Variants in TIE1 observed in about 807,000 individuals in gnomAD.
TIE1 encodes the protein tyrosine-protein kinase receptor Tie-1.
TIE1 carries 89 observed loss-of-function variants against 130.5 expected under a neutral mutation model. That is an observed-to-expected ratio of 0.68 (90% CI 0.57 to 0.81). The LOEUF (loss-of-function observed/expected upper bound fraction) is 0.81. Ranked by LOEUF, TIE1 falls within the 40% of genes least tolerant of loss-of-function variation. The pLI is 0.00. For synonymous variants in TIE1, 568 were observed against 629.4 expected (o/e 0.90, Z 1.46); for missense variants, 1,392 against 1,559.8 (o/e 0.89, Z 1.81).
At chr1:43,310,411 G>A (rs886880983) in intron 9 of TIE1, among the ~76,000 whole-genome samples, 1 of 152,186 alleles carries the variant, frequency 6.6e-6, no homozygotes, top group Non-Finnish European at 1.5e-5. Context: ...AATGGGGATA[G>A]CTAGCACTTG....
At chr1:43,304,812 G>T in intron 1 of TIE1, 39 bp from the exon 2 acceptor site, 8 of 1,391,776 alleles carry the variant, frequency 5.7e-6, no homozygotes, top group Non-Finnish European at 7.4e-6. Flanking sequence ...ACTAGGGTTG[G>T]CTGGGACTAC....
At chr1:43,305,557 C>G (rs866676943) in intron 3 of TIE1, among the ~76,000 whole-genome samples, 2 of 152,194 alleles carry the variant, frequency 1.3e-5, no homozygotes, top group Non-Finnish European at 2.9e-5. Flanking sequence ...GGGCCAGGAG[C>G]CTGTGGTCAG....
At chr1:43,304,737 A>G (rs1386162498) in intron 1 of TIE1, 114 bp from the exon 2 acceptor site, 6 of 1,141,246 alleles carry the variant, frequency 5.3e-6, no homozygotes, top group Non-Finnish European at 6.8e-6. Flanking sequence ...TGAAGGTTGG[A>G]GACCCTCTTC....
In TIE1 at chr1:43,300,986, T is replaced by G; in HGVS notation, c.-86T>G. On this transcript the variant is annotated 5_prime_UTR_variant, in exon 1 of 23. Transcript: ENST00000372476. ...CTTCCTCCCCAGCACCGACCCACAC[T>G]GACCAACACAGGCTGAGCAGTCAGG... The G allele has an allele frequency of 8.5e-7, 1 of 1,175,050 alleles. No individual in the cohort carries two copies. The highest frequency in any genetic ancestry group is 1.1e-6 in the Non-Finnish European group (1 of 874,108). The allele number at this position is 1,175,050 out of a possible 1,614,324, so 72.8% of individuals were successfully genotyped here.
Position 43,309,209 on chromosome 1 carries a change from C to T in TIE1, c.1188+78C>T. The T allele has an allele frequency of 6.6e-7, 1 of 1,522,494 alleles. No individual in the cohort carries two copies. 94.3% of individuals were successfully genotyped at this position (1,522,494 alleles called of 1,614,324 possible). A position where few individuals can be genotyped will look rare whatever the true frequency, so the allele number is the denominator to read the frequency against. ...GCTGATCCCTAAGACCCCCTAGTCC[C>T]TCAGAACTTTCTGCAGGGCCCACCC... On this transcript the variant is annotated intron_variant, in intron 8 of 22. Coordinates refer to ENST00000372476, the MANE Select transcript of TIE1 (RefSeq NM_005424.5). The surrounding 1 kb of genome is among the most constrained non-coding windows in gnomAD (Gnocchi z 6.3).
rs1646866996 is a variant in TIE1 at position 43,317,234 on chromosome 1, C to G, written c.2445C>G (p.Thr815=). The G allele has an allele frequency of 6.2e-7, 1 of 1,614,142 alleles. No homozygotes were observed. Among genetic ancestry groups the G allele is most frequent in the Non-Finnish European group, 8.5e-7 (1 of 1,180,038 alleles). ...CCATCCTGCAGTTCAGCTCAGGGAC[C>G]TTGACACTTACCCGGCGGCCAAAAC... ...EETILQFSSG[T]LTLTRRPKLQ... is the part of the protein sequence containing the mutation. Residue 815 remains threonine, a synonymous_variant, in exon 15 of 23, where the codon ACC becomes ACG. Coordinates refer to ENST00000372476, the MANE Select transcript of TIE1 (RefSeq NM_005424.5). The surrounding 1 kb of genome is among the most constrained non-coding windows in gnomAD (Gnocchi z 5.1).
rs1329106859 is a variant in TIE1, at chr1:43,317,694, C to T, written c.2731+20C>T. 1 of 1,551,188 alleles carries T rather than the reference C, an allele frequency of 6.4e-7. No individual in the cohort carries two copies. Among genetic ancestry groups the T allele is most frequent in the Non-Finnish European group, 8.7e-7 (1 of 1,144,850 alleles). On this transcript the variant is annotated intron_variant, in intron 16 of 22. Coordinates refer to ENST00000372476, the MANE Select transcript of TIE1 (RefSeq NM_005424.5). This position sits in a 1 kb window ranked among gnomAD's most constrained non-coding sequence, Gnocchi z 5.1. Reference sequence around the variant, plus strand: ...ACCGAGGTGAGCCCCCAGCTCATCACCTACCCCTTCTTCCAAACCCCCATC... The same window carrying T: ...ACCGAGGTGAGCCCCCAGCTCATCATCTACCCCTTCTTCCAAACCCCCATC...
chr1:43,307,731 C>T lies in TIE1; in HGVS notation c.914-65C>T, dbSNP rs1646745113. On this transcript the variant is annotated intron_variant, in intron 6 of 22. Coordinates refer to ENST00000372476, the MANE Select transcript of TIE1 (RefSeq NM_005424.5). This position sits in a 1 kb window ranked among gnomAD's most constrained non-coding sequence, Gnocchi z 5.4. The stretch of plus-strand genomic sequence containing the variant: ...TTGTATAACCTGTGCCCCATCTGCG[C>T]CCTCATCTGTGCCCTCATTGCCCCC... The T allele has an allele frequency of 3.1e-6, 5 of 1,606,982 alleles. No individual in the cohort carries two copies. The East Asian group carries it at 1.1e-4, about 36-fold the overall frequency.
At chr1:43,311,868 G>A (rs1270853943) in intron 10 of TIE1, 39 bp downstream of exon 10, 1 of 1,599,090 alleles carries the variant, frequency 6.3e-7, no homozygotes, top group Non-Finnish European at 8.5e-7. Flanking sequence ...AGAGGTGTTG[G>A]GTAATAGTGA....
chr1:43,319,564 G>T lies in TIE1; in HGVS notation c.3107+35G>T. On this transcript the variant is annotated intron_variant, in intron 19 of 22. Transcript: ENST00000372476. This position sits in a 1 kb window ranked among gnomAD's most constrained non-coding sequence, Gnocchi z 4.7. ...AGATGAGAGGGCACAGGAGGGCTTG[G>T]CCCCCAAGAATCACCCAGGCCTGAC... The T allele has an allele frequency of 6.2e-7, 1 of 1,606,848 alleles. No individual in the cohort carries two copies. The highest frequency in any genetic ancestry group is 8.5e-7 in the Non-Finnish European group (1 of 1,173,522).
Position 43,306,367 on chromosome 1 carries a change from C to G in TIE1, c.485-473C>G, listed in dbSNP as rs111957363. Among the ~76,000 whole-genome samples the G allele has an allele frequency of 5.2e-3, 791 of 152,282 alleles. 9 individuals are homozygous for G. Among genetic ancestry groups the G allele is most frequent in the African/African-American group, 0.018 (739 of 41,552 alleles). The stretch of plus-strand genomic sequence containing the variant: ...CGAATGGGGCTGGATGGCTTGGCCA[C>G]GGCCAAGTTGGTGAAAATGATGTCT... On this transcript the variant is annotated intron_variant, in intron 3 of 22. Coordinates refer to ENST00000372476, the MANE Select transcript of TIE1 (RefSeq NM_005424.5). This position sits in a 1 kb window ranked among gnomAD's most constrained non-coding sequence, Gnocchi z 4.9.
Position 43,313,770 on chromosome 1 carries a change from G to A in TIE1, c.2219-8G>A, listed in dbSNP as rs771153537. On this transcript the variant is annotated splice_polypyrimidine_tract_variant and splice_region_variant and intron_variant, in intron 13 of 22. Coordinates refer to ENST00000372476, the MANE Select transcript of TIE1 (RefSeq NM_005424.5). The surrounding 1 kb of genome is among the most constrained non-coding windows in gnomAD (Gnocchi z 6.2). ...GTCCCCACAATCTGCCCCTCTCACT[G>A]TGTCCAGGGCTGCAGGCTGAGGGCC... The A allele has an allele frequency of 6.2e-7, 1 of 1,606,102 alleles. No homozygotes were observed. The highest frequency in any genetic ancestry group is 1.7e-5 in the Admixed American group (1 of 59,620).
chr1:43,319,724 T>A lies in TIE1; in HGVS notation c.3107+195T>A. 3.2e-6 allele frequency: 2 copies of A among 616,522 alleles called. No homozygotes were observed. Among genetic ancestry groups the A allele is most frequent in the East Asian group, 5.5e-5 (2 of 36,362 alleles). 38.2% of individuals were successfully genotyped at this position (616,522 alleles called of 1,614,324 possible). A position where few individuals can be genotyped will look rare whatever the true frequency, so the allele number is the denominator to read the frequency against. ...TGCTGGAAGGAGTCTTGGAAGGTGT[T>A]TCAGGAATAGGACTGGGGTAAAGGT... is the stretch of plus-strand genomic sequence containing the variant. On this transcript the variant is annotated intron_variant, in intron 19 of 22. Coordinates refer to ENST00000372476, the MANE Select transcript of TIE1 (RefSeq NM_005424.5). This position sits in a 1 kb window ranked among gnomAD's most constrained non-coding sequence, Gnocchi z 4.7.
At position 43,309,030 on chromosome 1, in the gene TIE1, A is replaced by G. The variant is rs766642162; in HGVS notation, c.1087A>G (p.Asn363Asp). 3 of 1,614,032 alleles carry G rather than the reference A, an allele frequency of 1.9e-6. No individual in the cohort carries two copies. The highest frequency in any genetic ancestry group is 1.7e-5 in the Admixed American group (1 of 60,012). Residue 363 changes from asparagine (N) to aspartate (D), a missense_variant, in exon 8 of 23, where the codon AAC (asparagine) becomes GAC (aspartate). Asn to Asp is a conservative substitution (Grantham distance 23). This residue lies in a region of TIE1 where 551 missense variants were observed against 565.5 expected (regional missense o/e 0.97). Coordinates refer to ENST00000372476, the MANE Select transcript of TIE1 (RefSeq NM_005424.5). This position sits in a 1 kb window ranked among gnomAD's most constrained non-coding sequence, Gnocchi z 6.3. The part of the protein sequence containing the change: ...ILNMASELEF[N>D]LETMPRINCA... ...CAACATGGCCTCAGAACTGGAGTTC[A>G]ACTTAGAGACGATGCCCCGGATCAA...
chr1:43,310,194 C>T (rs944321984), intron 9 of TIE1, among the ~76,000 whole-genome samples: 1 of 152,088 alleles, frequency 6.6e-6, no homozygotes, highest in Non-Finnish European at 1.5e-5. Flanking sequence ...CGTTGCCACA[C>T]TCTGCCTCCC....
Position 43,309,455 on chromosome 1 carries a change from C to G in TIE1, c.1256C>G (p.Ala419Gly). The change falls in exon 9 of 23, where the codon GCG (alanine) becomes GGG (glycine). Residue 419 changes from alanine to glycine, a missense_variant. Coordinates refer to ENST00000372476, the MANE Select transcript of TIE1 (RefSeq NM_005424.5). This position sits in a 1 kb window ranked among gnomAD's most constrained non-coding sequence, Gnocchi z 6.3. ...AEFEVPRLVLADSGFWECRVS... is the reference protein window; with the variant it reads ...AEFEVPRLVLGDSGFWECRVS... The stretch of plus-strand genomic sequence containing the variant: ...TTCGAGGTGCCCCGCTTGGTTCTTG[C>G]GGACAGTGGGTTCTGGGAGTGCCGT... The G allele has an allele frequency of 6.2e-7, 1 of 1,612,102 alleles. No homozygotes were observed.
Position 43,307,476 on chromosome 1 carries a change from C to A in TIE1, c.817C>A (p.Pro273Thr), listed in dbSNP as rs758748468. The A allele has an allele frequency of 6.2e-7, 1 of 1,614,182 alleles. No homozygotes were observed. The highest frequency in any genetic ancestry group is 1.1e-5 in the South Asian group (1 of 91,090). ...TGGGCAGAGCTGCCAGGAGCAGTGC[C>A]CAGGCATATCAGGCTGCCGGGGCCT... ...RFGQSCQEQC[P>T]GISGCRGLTF... The change falls in exon 6 of 23, where the codon CCA becomes ACA. Residue 273 changes from proline (P) to threonine (T), a missense_variant. Physicochemically the swap from Pro to Thr is conservative, Grantham distance 38. This residue lies in a region of TIE1 where 415 missense variants were observed against 424.8 expected (regional missense o/e 0.98). Transcript: ENST00000372476. This position sits in a 1 kb window ranked among gnomAD's most constrained non-coding sequence, Gnocchi z 5.4.
At position 43,312,866 on chromosome 1, in the gene TIE1, G is replaced by A. The variant is rs373383485; in HGVS notation, c.1927+265G>A. 6.6e-6 allele frequency among the ~76,000 whole-genome samples: 1 copy of A among 152,190 alleles called. No homozygotes were observed. The highest frequency in any genetic ancestry group is 1.9e-4 in the East Asian group (1 of 5,176). Reference sequence around the variant, plus strand: ...TTCATGGCGAGAACCAGGGTCATGGGAGGGCATGAGACTTGCGGAACACAG... The same window carrying A: ...TTCATGGCGAGAACCAGGGTCATGGAAGGGCATGAGACTTGCGGAACACAG... On this transcript the variant is annotated intron_variant, in intron 12 of 22. Transcript: ENST00000372476. The surrounding 1 kb of genome is among the most constrained non-coding windows in gnomAD (Gnocchi z 5.6).
In TIE1 at chr1:43,307,965, C is replaced by T. The variant is rs1388669618; in HGVS notation, c.1042+41C>T. On this transcript the variant is annotated intron_variant, in intron 7 of 22. Transcript: ENST00000372476. This position sits in a 1 kb window ranked among gnomAD's most constrained non-coding sequence, Gnocchi z 5.4. ...CCTCTGAGAGCCCCCCAAGATAAGT[C>T]GGCCTTTACCAAACACATCTCCCCG... 6 of 1,607,158 alleles carry T rather than the reference C, an allele frequency of 3.7e-6. No individual in the cohort carries two copies. The highest frequency in any genetic ancestry group is 2.7e-5 in the African/African-American group (2 of 74,798).
Sources: gnomAD v4.1 joint callset for allele counts (sites outside exome capture counted in the v4.1 genomes callset) on GRCh38, gnomAD v4.1.1 for gene constraint, gnomAD v4.1.1 regional missense constraint, Gnocchi (gnomAD v3.1) non-coding constraint, MANE v1.5 for transcripts, NCBI Gene and HGNC (gene_info 2026-07-23, HGNC 2026-07-21) for gene names.